The following DOCK2 variants were observed in gnomAD, a reference collection of about 807,000 sequenced individuals.
The protein encoded by DOCK2 is dedicator of cytokinesis 2.
Under a neutral mutation model 248.9 loss-of-function variants are expected in DOCK2, and 87 were observed. The observed-to-expected ratio is 0.35, with a 90% CI of 0.29 to 0.42. The LOEUF (loss-of-function observed/expected upper bound fraction) is 0.42, where lower values mean the gene tolerates loss of function less well. Ranked by LOEUF, DOCK2 falls within the 10% of genes least tolerant of loss-of-function variation. The pLI is 1.00. For synonymous variants in DOCK2, 805 were observed against 821.6 expected (o/e 0.98, Z 0.35); for missense variants, 1,747 against 2,300.2 (o/e 0.76, Z 4.92).
intron 27 of DOCK2, among the ~76,000 whole-genome samples, chr5:169,892,590 C>A (rs917231247): frequency 3.9e-5 from 6 of 152,216 alleles, no homozygotes; most frequent in Non-Finnish European, 8.8e-5. Flanking sequence ...GATGGGCAAG[C>A]CACTAATGCT....
chr5:169,872,223 C>A (rs1314311440), intron 27 of DOCK2, among the ~76,000 whole-genome samples: 1 of 152,196 alleles, frequency 6.6e-6, no homozygotes, highest in African/African-American at 2.4e-5. Context: ...TGACCTCCTG[C>A]AACTTTCTCT....
At chr5:169,652,532 G>A (rs264881) in intron 1 of DOCK2, among the ~76,000 whole-genome samples, 1 of 152,042 alleles carries the variant, frequency 6.6e-6, no homozygotes, top group Non-Finnish European at 1.5e-5. Context: ...CCTGTGCTCC[G>A]TTCCACTGAA....
intron 22 of DOCK2, among the ~76,000 whole-genome samples, chr5:169,729,899 A>G (rs1762677244): frequency 6.6e-6 from 1 of 152,250 alleles, no homozygotes; most frequent in African/African-American, 2.4e-5. Flanking sequence ...TTCCTGGTCT[A>G]AAGTGGGGAT....
chr5:169,738,582 G>T (rs1226757262), intron 22 of DOCK2, among the ~76,000 whole-genome samples: 1 of 152,146 alleles, frequency 6.6e-6, no homozygotes, highest in Non-Finnish European at 1.5e-5. Flanking sequence ...CTTGGTTTTG[G>T]ACAATACATG....
chr5:169,848,859 T>A (rs905573004), intron 27 of DOCK2, among the ~76,000 whole-genome samples: 2 of 152,158 alleles, frequency 1.3e-5, no homozygotes, highest in Non-Finnish European at 2.9e-5. Flanking sequence ...CTTCACCTCA[T>A]AATAGTGCTG....
chr5:169,739,532 G>A (rs539054197), intron 22 of DOCK2, among the ~76,000 whole-genome samples: 1 of 152,276 alleles, frequency 6.6e-6, no homozygotes, highest in East Asian at 1.9e-4. Flanking sequence ...TATAAAATAA[G>A]TGTATATAAT....
rs78781686 is a variant in DOCK2, at chr5:169,646,723, T to C, written c.44-7680T>C. On this transcript the variant is annotated intron_variant, in intron 1 of 51. Transcript: ENST00000520908. ...TATGCACATGTGCAGTTCTGCATTGTAATGTCGCCAAAACTCATTCATGGA... is the reference window on the plus strand; with the variant it reads ...TATGCACATGTGCAGTTCTGCATTGCAATGTCGCCAAAACTCATTCATGGA... Among the ~76,000 whole-genome samples the C allele has an allele frequency of 1.4e-3, 206 of 152,360 alleles. 1 individual carries two copies. Among genetic ancestry groups the C allele is most frequent in the African/African-American group, 4.8e-3 (199 of 41,592 alleles).
chr5:169,783,222 T>G lies in DOCK2; in HGVS notation c.2555-19836T>G, dbSNP rs538503190. 2.0e-5 allele frequency among the ~76,000 whole-genome samples: 3 copies of G among 152,326 alleles called. No homozygotes were observed. In the South Asian group the frequency reaches 6.2e-4, roughly 32 times the overall value. The stretch of plus-strand genomic sequence containing the variant: ...CAAAGAACTTCAGAAATTGGAAATA[T>G]TCAACTTTTATTATATTAGATTTGG... On this transcript the variant is annotated intron_variant, in intron 25 of 51. Coordinates refer to ENST00000520908, the MANE Select transcript of DOCK2 (RefSeq NM_004946.3).
intron 26 of DOCK2, among the ~76,000 whole-genome samples, chr5:169,826,457 C>T (rs1419251954): frequency 2.0e-5 from 3 of 151,948 alleles, no homozygotes; most frequent in Non-Finnish European, 4.4e-5. Context: ...TGGGGTAGGG[C>T]CTGGGAGAAA....
chr5:169,699,269 T>C lies in DOCK2; in HGVS notation c.1056-113T>C, dbSNP rs1319625772. On this transcript the variant is annotated intron_variant, in intron 11 of 51. Coordinates refer to ENST00000520908, the MANE Select transcript of DOCK2 (RefSeq NM_004946.3). ...CATGTATATACCCTGGGCTGACATA[T>C]GCAAACTCACTTTTCACCTGAGGCG... 6 of 977,278 alleles carry C rather than the reference T, an allele frequency of 6.1e-6. No homozygotes were observed. The Admixed American group carries it at 7.0e-5, about 11-fold the overall frequency. The allele number at this position is 977,278 out of a possible 1,614,324, so 60.5% of individuals were successfully genotyped here. A position where few individuals can be genotyped will look rare whatever the true frequency, so the allele number is the denominator to read the frequency against.
intron 27 of DOCK2, among the ~76,000 whole-genome samples, chr5:169,962,113 T>G (rs1777112736): frequency 6.6e-6 from 1 of 152,066 alleles, no homozygotes; most frequent in African/African-American, 2.4e-5. Flanking sequence ...GGCTTCACGC[T>G]TTATTGTGGC....
At chr5:169,726,228 G>A (rs1762467179) in intron 22 of DOCK2, among the ~76,000 whole-genome samples, 1 of 152,068 alleles carries the variant, frequency 6.6e-6, no homozygotes, top group Admixed American at 6.5e-5. Context: ...ATCTCATTGT[G>A]GTTTTGATTT....
chr5:169,796,911 C>T (rs1454340172), intron 25 of DOCK2, among the ~76,000 whole-genome samples: 1 of 152,198 alleles, frequency 6.6e-6, no homozygotes, highest in Non-Finnish European at 1.5e-5. Flanking sequence ...AAGGGAAGAG[C>T]TTGCTCACAG....
intron 27 of DOCK2, among the ~76,000 whole-genome samples, chr5:169,961,743 C>T (rs764520053): frequency 2.6e-5 from 4 of 151,894 alleles, no homozygotes; most frequent in Non-Finnish European, 5.9e-5. Context: ...TTTGGGAGGC[C>T]GAGGTGGGCA....
intron 27 of DOCK2, among the ~76,000 whole-genome samples, chr5:169,860,783 T>C (rs1771151666): frequency 6.6e-6 from 1 of 152,250 alleles, no homozygotes; most frequent in African/African-American, 2.4e-5. Flanking sequence ...TTGGTGTGAA[T>C]GTGCCTTTCG....
intron 26 of DOCK2, among the ~76,000 whole-genome samples, chr5:169,826,689 A>T (rs1414607277): frequency 1.3e-5 from 2 of 152,134 alleles, no homozygotes; most frequent in Admixed American, 1.3e-4. Flanking sequence ...TATAAGAGTT[A>T]GTTATGTATT....
chr5:169,651,112 T>C (rs1757783154), intron 1 of DOCK2, among the ~76,000 whole-genome samples: 2 of 152,184 alleles, frequency 1.3e-5, no homozygotes, highest in Admixed American at 1.3e-4. Context: ...AGATAAGCCA[T>C]CAAACGTAGC....
intron 27 of DOCK2, among the ~76,000 whole-genome samples, chr5:169,896,305 C>G (rs1198763936): frequency 6.6e-6 from 1 of 152,118 alleles, no homozygotes; most frequent in Non-Finnish European, 1.5e-5. Flanking sequence ...CCTTAAATCC[C>G]ATGTGGAGTG....
chr5:169,967,651 A>G (rs1046012515), intron 27 of DOCK2, among the ~76,000 whole-genome samples: 1 of 152,180 alleles, frequency 6.6e-6, no homozygotes, highest in Non-Finnish European at 1.5e-5. Flanking sequence ...TTTCCATTAT[A>G]GAGAGATCAC....
Sources: gnomAD v4.1 joint callset for allele counts (sites outside exome capture counted in the v4.1 genomes callset) on GRCh38, gnomAD v4.1.1 for gene constraint, MANE v1.5 for transcripts, NCBI Gene and HGNC (gene_info 2026-07-23, HGNC 2026-07-21) for gene names.